The following FGF12 variants were observed in gnomAD, a reference collection of about 807,000 sequenced individuals.
The protein encoded by FGF12 is fibroblast growth factor 12.
Under a neutral mutation model 23.6 loss-of-function variants are expected in FGF12, and 14 were observed. That is an observed-to-expected ratio of 0.59 (90% CI 0.39 to 0.93). The LOEUF is 0.93. Ranked by LOEUF, FGF12 falls within the 40% of genes least tolerant of loss-of-function variation. The pLI, the probability that FGF12 is intolerant of heterozygous loss-of-function variation, is 0.00. For synonymous variants in FGF12, 62 were observed against 77.3 expected (o/e 0.80, Z 1.04); for missense variants, 175 against 217.8 (o/e 0.80, Z 1.24).
At chr3:192,365,934 G>A (rs1718960493) in intron 2 of FGF12, among the ~76,000 whole-genome samples, 1 of 146,476 alleles carries the variant, frequency 6.8e-6, no homozygotes, top group South Asian at 2.2e-4. Context: ...ATGAATTTTA[G>A]ACGTGGAAAG....
intron 4 of FGF12, among the ~76,000 whole-genome samples, chr3:192,286,385 T>C (rs560058492): frequency 2.6e-4 from 39 of 152,184 alleles, no homozygotes; most frequent in African/African-American, 9.4e-4. Context: ...TCACTGTTAC[T>C]AGTGCTGAGT....
At chr3:192,305,675 AAAAAAT>A (rs1478463278) in intron 4 of FGF12, among the ~76,000 whole-genome samples, 1 of 114,638 alleles carries the variant, frequency 8.7e-6, no homozygotes, top group African/African-American at 3.9e-5. Context: ...GGAAAAAAAA[AAAAAAT>A]ATATATATAT....
At chr3:192,481,084 G>C (rs1723467347) in intron 2 of FGF12, among the ~76,000 whole-genome samples, 1 of 152,114 alleles carries the variant, frequency 6.6e-6, no homozygotes, top group African/African-American at 2.4e-5. Context: ...TCAAAATCAA[G>C]TAACTATAAT....
At chr3:192,600,540 C>A (rs1049065924) in intron 2 of FGF12, among the ~76,000 whole-genome samples, 1 of 151,966 alleles carries the variant, frequency 6.6e-6, no homozygotes, top group African/African-American at 2.4e-5. Context: ...TATTTGCAAA[C>A]TATTCATACA....
At chr3:192,527,654 T>C (rs75039142) in intron 2 of FGF12, among the ~76,000 whole-genome samples, 21 of 152,354 alleles carry the variant, frequency 1.4e-4, no homozygotes, top group Admixed American at 2.6e-4. Context: ...GACTGAACTG[T>C]TATTTTCATT....
intron 4 of FGF12, among the ~76,000 whole-genome samples, chr3:192,333,363 T>C (rs966255697): frequency 6.6e-6 from 1 of 152,140 alleles, no homozygotes; most frequent in Non-Finnish European, 1.5e-5. Context: ...ATTTAATGAC[T>C]GATTAAATCT....
chr3:192,436,472 T>C (rs1722032976), intron 2 of FGF12, among the ~76,000 whole-genome samples: 1 of 152,204 alleles, frequency 6.6e-6, no homozygotes, highest in Non-Finnish European at 1.5e-5. Flanking sequence ...AGTGAGCTCC[T>C]GGGTGCTGCC....
At chr3:192,159,377 A>G (rs1468017058) in intron 5 of FGF12, among the ~76,000 whole-genome samples, 1 of 152,204 alleles carries the variant, frequency 6.6e-6, no homozygotes, top group Non-Finnish European at 1.5e-5. Flanking sequence ...TTGAACATCA[A>G]TCAAAATAGC....
intron 2 of FGF12, among the ~76,000 whole-genome samples, chr3:192,495,833 TTATATA>T (rs1000317647): frequency 6.6e-6 from 1 of 151,824 alleles, no homozygotes; most frequent in Non-Finnish European, 1.5e-5. Context: ...CCCAACTAAT[TTATATA>T]TATATTTATA....
chr3:192,585,647 G>A (rs963936900), intron 2 of FGF12, among the ~76,000 whole-genome samples: 1 of 151,984 alleles, frequency 6.6e-6, no homozygotes, highest in Non-Finnish European at 1.5e-5. Flanking sequence ...GAGGGGTTGC[G>A]TGACATTTCC....
chr3:192,699,942 A>G (rs546992906), intron 2 of FGF12, among the ~76,000 whole-genome samples: 2 of 152,302 alleles, frequency 1.3e-5, no homozygotes, highest in African/African-American at 2.4e-5. Flanking sequence ...CTCTTAAGAG[A>G]TATTAACAGA....
intron 2 of FGF12, among the ~76,000 whole-genome samples, chr3:192,546,180 C>G (rs1725489632): frequency 6.6e-6 from 1 of 152,126 alleles, no homozygotes; most frequent in Admixed American, 6.6e-5. Flanking sequence ...ATTTACATGA[C>G]CTCTCTGAGT....
chr3:192,319,522 G>C (rs1364698085), intron 4 of FGF12, among the ~76,000 whole-genome samples: 1 of 152,040 alleles, frequency 6.6e-6, no homozygotes, highest in Non-Finnish European at 1.5e-5. Context: ...ACTTGAACCT[G>C]GGAGGCGGAG....
intron 2 of FGF12, among the ~76,000 whole-genome samples, chr3:192,413,743 G>A (rs1339026507): frequency 1.3e-5 from 2 of 152,186 alleles, no homozygotes; most frequent in Non-Finnish European, 2.9e-5. Context: ...ACACAAAGAA[G>A]TCTAGCTCTG....
At chr3:192,157,604 A>G (rs1464159404) in intron 5 of FGF12, among the ~76,000 whole-genome samples, 3 of 152,168 alleles carry the variant, frequency 2.0e-5, no homozygotes, top group Non-Finnish European at 4.4e-5. Context: ...TTTCCTTGCC[A>G]TCGTGATGGC....
intron 2 of FGF12, among the ~76,000 whole-genome samples, chr3:192,402,639 C>G (rs1576953060): frequency 6.6e-6 from 1 of 152,212 alleles, no homozygotes; most frequent in African/African-American, 2.4e-5. Context: ...GAACAAGTCT[C>G]ATTGCCACTT....
intron 4 of FGF12, among the ~76,000 whole-genome samples, chr3:192,332,949 T>C (rs1717202086): frequency 6.6e-6 from 1 of 152,148 alleles, no homozygotes; most frequent in Admixed American, 6.6e-5. Flanking sequence ...ATTGTGATTC[T>C]AGATGTGAGG....
At chr3:192,187,518 T>C (rs1035521674) in intron 4 of FGF12, among the ~76,000 whole-genome samples, 30 of 152,208 alleles carry the variant, frequency 2.0e-4, no homozygotes, top group African/African-American at 6.8e-4. Context: ...ATGTAGTCTT[T>C]TAGCTAACAC....
At chr3:192,612,353 T>C (rs535452019) in intron 2 of FGF12, among the ~76,000 whole-genome samples, 18 of 152,120 alleles carry the variant, frequency 1.2e-4, no homozygotes, top group South Asian at 4.1e-4. Flanking sequence ...AATGAATCAC[T>C]TGGAAGACAG....
Sources: allele counts gnomAD v4.1 joint callset (sites outside exome capture counted in the v4.1 genomes callset), GRCh38; gene constraint gnomAD v4.1.1; transcripts MANE v1.5; gene names NCBI Gene and HGNC (gene_info 2026-07-23, HGNC 2026-07-21).